The following ZNFX1 variants were observed in gnomAD, a reference collection of about 807,000 sequenced individuals.
ZNFX1 encodes the protein zinc finger NFX1-type containing 1.
Under a neutral mutation model 179.8 loss-of-function variants are expected in ZNFX1, and 78 were observed. The observed-to-expected ratio is 0.43, with a 90% confidence interval of 0.36 to 0.52. The LOEUF is 0.52. Among genes scored for constraint, ZNFX1 ranks in the 20% least tolerant of loss-of-function variants. The pLI is 0.00. For synonymous variants in ZNFX1, 848 were observed against 868.5 expected (o/e 0.98, Z 0.42); for missense variants, 1,927 against 2,386.6 (o/e 0.81, Z 4.01).
At position 49,248,791 on chromosome 20, in the gene ZNFX1, A is replaced by T. The variant is rs1410290534; in HGVS notation, c.4233T>A (p.Ser1411Arg). ...CCACATGACCACATTTTACCGGTTGACTGTGCCCACACTTGAGTTTTATGG... is the reference window on the plus strand; with the variant it reads ...CCACATGACCACATTTTACCGGTTGTCTGTGCCCACACTTGAGTTTTATGG... ...MVTIKLKCGH[S>R]QPVKCGHVEG... Residue 1411 changes from serine (S) to arginine (R), a missense_variant, in exon 14 of 14, where the codon AGT becomes AGA. Physicochemically the swap from Ser to Arg is moderately radical, Grantham distance 110. Transcript: ENST00000396105. This position sits in a 1 kb window ranked among gnomAD's most constrained non-coding sequence, Gnocchi z 4.6. 1.2e-6 allele frequency: 2 copies of T among 1,614,208 alleles called. No homozygotes were observed. The highest frequency in any genetic ancestry group is 1.7e-5 in the Admixed American group (1 of 60,030).
rs781392403 is a variant in ZNFX1 at position 49,254,615 on chromosome 20, G to A, written c.2839C>T (p.Arg947Trp). Residue 947 changes from arginine to tryptophan, a missense_variant, in exon 10 of 14, where the codon CGG becomes TGG. Physicochemically the swap from Arg to Trp is moderately radical, Grantham distance 101. Transcript: ENST00000396105. ...TGGCGTTCATAGCTGAGGATCTTCCGGCGGGTGTCAGCCTGGTACAACTGT... is the reference window on the plus strand; with the variant it reads ...TGGCGTTCATAGCTGAGGATCTTCCAGCGGGTGTCAGCCTGGTACAACTGT... ...WLQLYQADTR[R>W]KILSYERQYR... 2.9e-5 allele frequency: 47 copies of A among 1,613,946 alleles called. No homozygotes were observed. The African/African-American group carries it at 3.1e-4, about 11-fold the overall frequency.
At chr20:49,262,425 GAA>G (rs201850269) in intron 6 of ZNFX1, among the ~76,000 whole-genome samples, 3 of 129,294 alleles carry the variant, frequency 2.3e-5, no homozygotes, top group East Asian at 2.2e-4. Flanking sequence ...AAAAAAAGAA[GAA>G]AAAAAAAAAA....
chr20:49,268,501 A>G (rs1600995530), intron 3 of ZNFX1, among the ~76,000 whole-genome samples: 1 of 152,172 alleles, frequency 6.6e-6, no homozygotes, highest in Admixed American at 6.5e-5. Flanking sequence ...CTATTGCAAC[A>G]AAACCAAAAA....
rs763015495 is a variant in ZNFX1, at chr20:49,270,160, A to G, written c.1652T>C (p.Met551Thr). 1.9e-6 allele frequency: 3 copies of G among 1,614,088 alleles called. No individual in the cohort carries two copies. The South Asian group carries it at 3.3e-5, about 18-fold the overall frequency. Residue 551 changes from methionine to threonine, a missense_variant, in exon 3 of 14, where the codon ATG becomes ACG. By Grantham distance (81) the Met-to-Thr change is moderately conservative. Coordinates refer to ENST00000396105, the MANE Select transcript of ZNFX1 (RefSeq NM_021035.3). The surrounding 1 kb of genome is among the most constrained non-coding windows in gnomAD (Gnocchi z 4.6). The part of the protein sequence containing the change: ...SHVKEPRYLL[M>T]GGRYDFTPLI... ...GGGGGTAAAGTCGTATCTGCCCCCC[A>G]TTAGCAAGTACCTTGGCTCCTTCAC...
At chr20:49,273,579 T>A (rs1981479064) in intron 2 of ZNFX1, among the ~76,000 whole-genome samples, 1 of 152,236 alleles carries the variant, frequency 6.6e-6, no homozygotes, top group Non-Finnish European at 1.5e-5. Context: ...AATATTTTTA[T>A]CTGATTAGAA....
chr20:49,266,296 A>G, intron 3 of ZNFX1, 30 bp from the exon 4 acceptor site: 2 of 1,563,910 alleles, frequency 1.3e-6, no homozygotes, highest in Non-Finnish European at 1.7e-6. Flanking sequence ...GAATTTAACA[A>G]TTTAGACATT....
At chr20:49,251,848 T>A (rs1174785839) in intron 12 of ZNFX1, among the ~76,000 whole-genome samples, 1 of 151,460 alleles carries the variant, frequency 6.6e-6, no homozygotes, top group South Asian at 2.1e-4. Context: ...CTTTCTTTTT[T>A]TTTTTTTTTT....
chr20:49,246,913 G>C lies in ZNFX1; in HGVS notation c.*354C>G, dbSNP rs1980687942. 1 of 465,044 alleles carries C rather than the reference G, an allele frequency of 2.2e-6. No homozygotes were observed. The highest frequency in any genetic ancestry group is 2.4e-5 in the Admixed American group (1 of 42,474). 28.8% of individuals were successfully genotyped at this position (465,044 alleles called of 1,614,324 possible). ...GACAGAGTCTTGCTCCTGTCGCCCA[G>C]ACTGGAGTGCAATGGCATGATCTCA... On this transcript the variant is annotated 3_prime_UTR_variant, in exon 14 of 14. Coordinates refer to ENST00000396105, the MANE Select transcript of ZNFX1 (RefSeq NM_021035.3).
At position 49,251,531 on chromosome 20, in the gene ZNFX1, A is replaced by G; in HGVS notation, c.3308T>C (p.Ile1103Thr). ...NHPSVLKYEKIKGVSSNLFFV... is the reference protein window; with the variant it reads ...NHPSVLKYEKTKGVSSNLFFV... ...GATCGGGTAAGACAGACTCACCTTAATCTTCTCATACTTAAGAACAGATGG... is the reference window on the plus strand; with the variant it reads ...GATCGGGTAAGACAGACTCACCTTAGTCTTCTCATACTTAAGAACAGATGG... The change falls in exon 13 of 14, where the codon ATT (isoleucine) becomes ACT (threonine). Residue 1103 changes from isoleucine to threonine, a missense_variant. Coordinates refer to ENST00000396105, the MANE Select transcript of ZNFX1 (RefSeq NM_021035.3). 6.2e-7 allele frequency: 1 copy of G among 1,611,442 alleles called. No homozygotes were observed. The highest frequency in any genetic ancestry group is 8.5e-7 in the Non-Finnish European group (1 of 1,178,490).
At chr20:49,275,196 C>T (rs987426590) in intron 2 of ZNFX1, among the ~76,000 whole-genome samples, 11 of 152,176 alleles carry the variant, frequency 7.2e-5, no homozygotes, top group Non-Finnish European at 1.2e-4. Flanking sequence ...TGCTGCTCTA[C>T]ACCAAACGTC....
chr20:49,257,282 T>A, intron 8 of ZNFX1, 135 bp downstream of exon 8: 1 of 1,275,316 alleles, frequency 7.8e-7, no homozygotes, highest in Non-Finnish European at 1.1e-6. Context: ...TAAAGCCATC[T>A]CATACCAGGG....
In ZNFX1 at chr20:49,248,713, A is replaced by G; in HGVS notation, c.4311T>C (p.Thr1437=). ...LLVKCTTKCG[T]ILDCGHPCPG... ...GGCAAGGATGCCCGCAGTCCAAGAT[A>G]GTGCCACACTTTGTGGTACACTTGA... is the stretch of plus-strand genomic sequence containing the variant. The change falls in exon 14 of 14, where the codon ACT becomes ACC. Residue 1437 remains threonine (T), a synonymous_variant. Transcript: ENST00000396105. This position sits in a 1 kb window ranked among gnomAD's most constrained non-coding sequence, Gnocchi z 4.6. 1 of 1,612,828 alleles carries G rather than the reference A, an allele frequency of 6.2e-7. No homozygotes were observed. Among genetic ancestry groups the G allele is most frequent in the Non-Finnish European group, 8.5e-7 (1 of 1,180,038 alleles).
rs1249356453 is a variant in ZNFX1 at position 49,264,798 on chromosome 20, T to C, written c.2069A>G (p.Lys690Arg). The C allele has an allele frequency of 1.9e-6, 3 of 1,614,058 alleles. No homozygotes were observed. In the African/African-American group the frequency reaches 4.0e-5, roughly 22 times the overall value. The change falls in exon 5 of 14, where the codon AAG (lysine) becomes AGG (arginine). Residue 690 changes from lysine to arginine, a missense_variant. Coordinates refer to ENST00000396105, the MANE Select transcript of ZNFX1 (RefSeq NM_021035.3). ...CCTCAGCTCCCTTAGGGTGAACTGCTTCAGGATTTCACTGTTGCTCCTTCC... is the reference window on the plus strand; with the variant it reads ...CCTCAGCTCCCTTAGGGTGAACTGCCTCAGGATTTCACTGTTGCTCCTTCC... ...VGGRSNSEIL[K>R]QFTLRELRNK...
chr20:49,250,842 A>ACACCCAGCCAGGCACATGCCACCG (rs1980819162), intron 13 of ZNFX1, among the ~76,000 whole-genome samples: 7 of 150,920 alleles, frequency 4.6e-5, no homozygotes, highest in Admixed American at 3.9e-4. Context: ...ATGAGCCACC[A>ACACCCAGCCAGGCACATGCCACCG]CACCCAGCCA....
intron 7 of ZNFX1, among the ~76,000 whole-genome samples, chr20:49,259,767 A>G (rs1039561978): frequency 6.6e-6 from 1 of 152,134 alleles, no homozygotes; most frequent in Non-Finnish European, 1.5e-5. Context: ...TGAGATTCAT[A>G]TGTGTTACTG....
chr20:49,271,174 T>C lies in ZNFX1; in HGVS notation c.638A>G (p.Asn213Ser). The change falls in exon 3 of 14, where the codon AAC becomes AGC. Residue 213 changes from asparagine to serine, a missense_variant. Transcript: ENST00000396105. ...CAGGCAGACTTTGAGAAATTTGGAG[T>C]TTTTCAATATGCCCAGTACATGGAG... ...SVLHVLGILK[N>S]SKFLKVCLPA... is the part of the protein sequence containing the mutation. 1 of 1,612,982 alleles carries C rather than the reference T, an allele frequency of 6.2e-7. No individual in the cohort carries two copies. The highest frequency in any genetic ancestry group is 8.5e-7 in the Non-Finnish European group (1 of 1,179,674).
intron 7 of ZNFX1, among the ~76,000 whole-genome samples, chr20:49,257,939 C>T (rs1334315798): frequency 6.6e-6 from 1 of 151,710 alleles, no homozygotes; most frequent in African/African-American, 2.4e-5. Context: ...GTCTCGAACT[C>T]CTGACCTCGT....
intron 5 of ZNFX1, among the ~76,000 whole-genome samples, 154 bp downstream of exon 5, chr20:49,264,562 A>C (rs1981191462): frequency 6.6e-6 from 1 of 152,112 alleles, no homozygotes; most frequent in Non-Finnish European, 1.5e-5. Flanking sequence ...GGTCATACCA[A>C]GGGATTGGCA....
At position 49,246,102 on chromosome 20, in the gene ZNFX1, G is replaced by A. The variant is rs1061510; in HGVS notation, c.*1165C>T. ...TTCTGGCCTGGGTTTGGAGCCTGCAGAAGCTGCTGGCATGCTAGCTCTACC... is the reference window on the plus strand; with the variant it reads ...TTCTGGCCTGGGTTTGGAGCCTGCAAAAGCTGCTGGCATGCTAGCTCTACC... On this transcript the variant is annotated 3_prime_UTR_variant, in exon 14 of 14. Coordinates refer to ENST00000396105, the MANE Select transcript of ZNFX1 (RefSeq NM_021035.3). The A allele has an allele frequency of 6.6e-6, 1 of 152,334 alleles. No homozygotes were observed. The highest frequency in any genetic ancestry group is 1.5e-5 in the Non-Finnish European group (1 of 68,112). 9.4% of individuals were successfully genotyped at this position (152,334 alleles called of 1,614,324 possible). A position where few individuals can be genotyped will look rare whatever the true frequency, so the allele number is the denominator to read the frequency against.
Sources: allele counts gnomAD v4.1 joint callset (sites outside exome capture counted in the v4.1 genomes callset), GRCh38; gene constraint gnomAD v4.1.1; non-coding constraint Gnocchi (gnomAD v3.1); transcripts MANE v1.5; gene names NCBI Gene and HGNC (gene_info 2026-07-23, HGNC 2026-07-21).